The following SREK1IP1 variants were observed in gnomAD, a reference collection of about 807,000 sequenced individuals.
The protein encoded by SREK1IP1 is SREK1 interacting protein 1, also known as protein SREK1IP1.
Under a neutral mutation model 22.8 loss-of-function variants are expected in SREK1IP1, and 12 were observed. That is an observed-to-expected ratio of 0.53 (90% CI 0.34 to 0.85). SREK1IP1 has a LOEUF of 0.85. Ranked by LOEUF, SREK1IP1 falls within the 40% of genes least tolerant of loss-of-function variation. The pLI, the probability that SREK1IP1 is intolerant of heterozygous loss-of-function variation, is 0.02. For missense variants in SREK1IP1, 147 were observed against 171.8 expected (o/e 0.86, Z 0.81); for synonymous variants, 53 against 52.7 (o/e 1.01, Z -0.02).
At chr5:64,742,418 C>T (rs1002872370) in intron 2 of SREK1IP1, among the ~76,000 whole-genome samples, 6 of 151,786 alleles carry the variant, frequency 4.0e-5, no homozygotes, top group Non-Finnish European at 7.4e-5. Context: ...GATAAATACA[C>T]CCTAACACAC....
intron 2 of SREK1IP1, among the ~76,000 whole-genome samples, chr5:64,748,263 G>C (rs1742677891): frequency 6.6e-6 from 1 of 152,174 alleles, no homozygotes; most frequent in Non-Finnish European, 1.5e-5. Context: ...AAATATGTAT[G>C]ATTCTACTTA....
intron 1 of SREK1IP1, among the ~76,000 whole-genome samples, chr5:64,760,720 C>G (rs1742937545): frequency 6.6e-6 from 1 of 152,116 alleles, no homozygotes; most frequent in African/African-American, 2.4e-5. Context: ...GAAGGCACCT[C>G]TCACGTTTGT....
At chr5:64,738,804 C>T (rs992169430) in intron 3 of SREK1IP1, among the ~76,000 whole-genome samples, 5 of 152,156 alleles carry the variant, frequency 3.3e-5, no homozygotes, top group African/African-American at 1.2e-4. Context: ...ACCCTCACCT[C>T]ATGCCATATA....
intron 4 of SREK1IP1, among the ~76,000 whole-genome samples, chr5:64,725,841 GTT>G (rs558454743): frequency 0.072 from 9,236 of 128,836 alleles, 1,022 homozygotes; most frequent in African/African-American, 0.24. Context: ...TGGTCCTGAA[GTT>G]TTTTTTTTTG....
chr5:64,754,271 C>A, intron 2 of SREK1IP1, 44 bp downstream of exon 2: 1 of 1,590,882 alleles, frequency 6.3e-7, no homozygotes, highest in South Asian at 1.1e-5. Context: ...GGCCATGATT[C>A]CAGTATGAAT....
At chr5:64,732,350 T>A (rs1742395179) in intron 3 of SREK1IP1, among the ~76,000 whole-genome samples, 2 of 151,918 alleles carry the variant, frequency 1.3e-5, no homozygotes, top group South Asian at 4.2e-4. Context: ...ACACAGATAT[T>A]CCCAAGGAGT....
intron 2 of SREK1IP1, among the ~76,000 whole-genome samples, chr5:64,749,310 A>G (rs939559198): frequency 6.6e-6 from 1 of 152,006 alleles, no homozygotes; most frequent in Non-Finnish European, 1.5e-5. Context: ...GAGAACACAC[A>G]AGCTATTTTA....
chr5:64,754,420 C>CA, intron 1 of SREK1IP1, 58 bp from the exon 2 acceptor site: 1 of 1,520,480 alleles, frequency 6.6e-7, no homozygotes, highest in Non-Finnish European at 9.0e-7. Flanking sequence ...AACTTAAAAA[C>CA]TTTATTGTAT....
chr5:64,752,372 C>T (rs556497302), intron 2 of SREK1IP1, among the ~76,000 whole-genome samples: 95 of 151,872 alleles, frequency 6.3e-4, no homozygotes, highest in African/African-American at 2.2e-3. Flanking sequence ...AGGATGGTCT[C>T]GATCTCCTGA....
chr5:64,764,763 T>C (rs1743008236), intron 1 of SREK1IP1, among the ~76,000 whole-genome samples: 1 of 152,148 alleles, frequency 6.6e-6, no homozygotes, highest in African/African-American at 2.4e-5. Context: ...TAGGATCAGA[T>C]ATATGATTCA....
rs61133380 is a variant in SREK1IP1 at position 64,728,314 on chromosome 5, C to A, written c.206-135G>T. The A allele has an allele frequency of 2.7e-3, 2,333 of 877,850 alleles. 42 individuals are homozygous for A. In the African/African-American group the frequency reaches 0.039, roughly 15 times the overall value. 54.4% of individuals were successfully genotyped at this position (877,850 alleles called of 1,614,324 possible). ...GGATAATTTTTGTAATAATTTTCCC[C>A]TTTCTTAATTATCTTTATCCATTAA... On this transcript the variant is annotated intron_variant, in intron 3 of 4. Coordinates refer to ENST00000513458, the MANE Select transcript of SREK1IP1 (RefSeq NM_173829.4).
At position 64,724,410 on chromosome 5, in the gene SREK1IP1, T is replaced by C; in HGVS notation, c.442A>G (p.Asn148Asp). 1.3e-6 allele frequency: 2 copies of C among 1,569,866 alleles called. No individual in the cohort carries two copies. The highest frequency in any genetic ancestry group is 1.7e-6 in the Non-Finnish European group (2 of 1,167,282). ...TACTTTCTGGAGAATTCAGAACTATTAGGTGTAGAAGAATGCTTTTCCTTT... is the reference window on the plus strand; with the variant it reads ...TACTTTCTGGAGAATTCAGAACTATCAGGTGTAGAAGAATGCTTTTCCTTT... ...RKKEKHSSTPNSSEFSRK is the reference protein window; with the variant it reads ...RKKEKHSSTPDSSEFSRK Residue 148 changes from asparagine to aspartate, a missense_variant, in exon 5 of 5, where the codon AAT (asparagine) becomes GAT (aspartate). By Grantham distance (23) the Asn-to-Asp change is conservative. Transcript: ENST00000513458.
At chr5:64,766,231 TCTGA>T (rs1349187640) in intron 1 of SREK1IP1, among the ~76,000 whole-genome samples, 2 of 152,250 alleles carry the variant, frequency 1.3e-5, no homozygotes, top group Non-Finnish European at 2.9e-5. Context: ...CATTCCTATG[TCTGA>T]CTAACCTCAA....
intron 1 of SREK1IP1, among the ~76,000 whole-genome samples, chr5:64,762,522 T>C (rs895910571): frequency 3.3e-5 from 5 of 152,124 alleles, no homozygotes; most frequent in African/African-American, 1.2e-4. Flanking sequence ...TGATGCAAAG[T>C]AAAATTCCAA....
intron 4 of SREK1IP1, among the ~76,000 whole-genome samples, chr5:64,726,586 A>AG (rs1435181650): frequency 1.3e-5 from 2 of 152,070 alleles, no homozygotes; most frequent in East Asian, 3.9e-4. Flanking sequence ...AAAAAAAAAA[A>AG]AAAAAAAGAA....
intron 3 of SREK1IP1, among the ~76,000 whole-genome samples, chr5:64,729,325 C>G (rs1330632780): frequency 6.6e-6 from 1 of 152,148 alleles, no homozygotes; most frequent in Non-Finnish European, 1.5e-5. Context: ...TCTAAGTGAA[C>G]AGCAAGGGTA....
At position 64,724,241 on chromosome 5, in the gene SREK1IP1, G is replaced by A; in HGVS notation, c.*143C>T. 1.5e-6 allele frequency: 1 copy of A among 672,606 alleles called. No individual in the cohort carries two copies. Among genetic ancestry groups the A allele is most frequent in the East Asian group, 2.7e-5 (1 of 37,182 alleles). The allele number at this position is 672,606 out of a possible 1,614,324, so 41.7% of individuals were successfully genotyped here. ...CACATTAAAAATATATTGCCAGAGG[G>A]ATAATGGTCCCAAATACGAAAAATG... On this transcript the variant is annotated 3_prime_UTR_variant, in exon 5 of 5. Transcript: ENST00000513458.
rs1258043191 is a variant in SREK1IP1, at chr5:64,726,732, T to TA, written c.278+1374dup. ...TGCCCTTAAATATGCTCAGAACACTTACATTAGCCTCTAGTTGGGCAAAAT... is the reference window on the plus strand; with the variant it reads ...TGCCCTTAAATATGCTCAGAACACTTAACATTAGCCTCTAGTTGGGCAAAAT... On this transcript the variant is annotated intron_variant, in intron 4 of 4. Transcript: ENST00000513458. 3.9e-5 allele frequency among the ~76,000 whole-genome samples: 6 copies of TA among 152,288 alleles called. No homozygotes were observed. In the South Asian group the frequency reaches 1.0e-3, roughly 26 times the overall value.
At chr5:64,754,512 T>TAG in intron 1 of SREK1IP1, 150 bp from the exon 2 acceptor site, 1 of 665,624 alleles carries the variant, frequency 1.5e-6, no homozygotes, top group East Asian at 2.9e-5. Flanking sequence ...TCACCAAGGC[T>TAG]AGAGTACACT....
Sources: gnomAD v4.1 joint callset for allele counts (sites outside exome capture counted in the v4.1 genomes callset) on GRCh38, gnomAD v4.1.1 for gene constraint, MANE v1.5 for transcripts, NCBI Gene and HGNC (gene_info 2026-07-23, HGNC 2026-07-21) for gene names.